The following TBC1D32 variants were observed in gnomAD, a reference collection of about 807,000 sequenced individuals.
TBC1D32 encodes the protein protein broad-minded.
A neutral mutation model predicts 170.3 loss-of-function variants in TBC1D32; 151 were observed. That is an observed-to-expected ratio of 0.89 (90% CI 0.78 to 1.01). The LOEUF (loss-of-function observed/expected upper bound fraction) is 1.01. Ranked by LOEUF, TBC1D32 falls within the 50% of genes least tolerant of loss-of-function variation. The pLI, the probability that TBC1D32 is intolerant of heterozygous loss-of-function variation, is 0.00. For synonymous variants in TBC1D32, 498 were observed against 488.0 expected (o/e 1.02, Z -0.27); for missense variants, 1,464 against 1,457.1 (o/e 1.00, Z -0.08).
intron 20 of TBC1D32, among the ~76,000 whole-genome samples, chr6:121,229,078 T>C (rs1173237105): frequency 6.6e-6 from 1 of 152,100 alleles, no homozygotes; most frequent in Non-Finnish European, 1.5e-5. Flanking sequence ...TCTTTGTACA[T>C]ATTTTTTCCA....
intron 17 of TBC1D32, among the ~76,000 whole-genome samples, chr6:121,246,148 G>A (rs1797568916): frequency 6.6e-6 from 1 of 152,162 alleles, no homozygotes; most frequent in African/African-American, 2.4e-5. Context: ...GTACAACACA[G>A]GAGAATGAGA....
chr6:121,128,852 TC>T (rs1781130477), intron 25 of TBC1D32, among the ~76,000 whole-genome samples: 1 of 152,140 alleles, frequency 6.6e-6, no homozygotes, highest in South Asian at 2.1e-4. Context: ...TACGTTAAAA[TC>T]CAATACATAT....
rs11153996 is a variant in TBC1D32, at chr6:121,140,558, T to A, written c.2774-8806A>T. On this transcript the variant is annotated intron_variant, in intron 24 of 31. Transcript: ENST00000398212. ...ATATAGTATTTGAAAAAGAATATTTTACCAGGCAGAAAATCAATTTCCTAT... is the reference window on the plus strand; with the variant it reads ...ATATAGTATTTGAAAAAGAATATTTAACCAGGCAGAAAATCAATTTCCTAT... Among the ~76,000 whole-genome samples the A allele has an allele frequency of 2.6e-3, 391 of 152,214 alleles. 2 individuals carry two copies. Among genetic ancestry groups the A allele is most frequent in the Non-Finnish European group, 4.4e-3 (300 of 67,918 alleles).
intron 1 of TBC1D32, among the ~76,000 whole-genome samples, chr6:121,329,924 A>T (rs912280258): frequency 6.6e-6 from 1 of 152,162 alleles, no homozygotes; most frequent in Admixed American, 6.5e-5. Context: ...AGGTCAAAAA[A>T]TAAGCTTTTG....
chr6:121,307,964 C>T lies in TBC1D32; in HGVS notation c.690+12G>A, dbSNP rs1359726802. The T allele has an allele frequency of 6.2e-7, 1 of 1,606,296 alleles. No homozygotes were observed. Among genetic ancestry groups the T allele is most frequent in the Admixed American group, 1.7e-5 (1 of 58,088 alleles). On this transcript the variant is annotated intron_variant, in intron 5 of 31. Transcript: ENST00000398212. ...CAAATTATTTTTAATATTTCTATAA[C>T]CATTTTCTTACACTAAACACAGGAT... is the stretch of plus-strand genomic sequence containing the variant.
intron 21 of TBC1D32, among the ~76,000 whole-genome samples, chr6:121,205,834 T>C (rs1245225331): frequency 1.3e-5 from 2 of 152,150 alleles, no homozygotes; most frequent in Non-Finnish European, 2.9e-5. Flanking sequence ...GATGCAAATA[T>C]ACACAGAACC....
At chr6:121,211,020 A>G (rs1792972813) in intron 21 of TBC1D32, among the ~76,000 whole-genome samples, 1 of 152,218 alleles carries the variant, frequency 6.6e-6, no homozygotes, top group South Asian at 2.1e-4. Flanking sequence ...CAAGTACAAT[A>G]TAAGCCAAGG....
intron 26 of TBC1D32, among the ~76,000 whole-genome samples, chr6:121,117,424 A>C (rs192447210): frequency 6.6e-6 from 1 of 152,270 alleles, no homozygotes; most frequent in East Asian, 1.9e-4. Context: ...GCTTCAAGTC[A>C]GGCTTGGTGG....
At chr6:121,204,558 T>C (rs927079099) in intron 22 of TBC1D32, among the ~76,000 whole-genome samples, 6 of 151,348 alleles carry the variant, frequency 4.0e-5, no homozygotes, top group Admixed American at 1.3e-4. Flanking sequence ...CATGAGTCCC[T>C]GTAGCCCTAC....
chr6:121,206,841 T>C (rs1361012207), intron 21 of TBC1D32, among the ~76,000 whole-genome samples: 1 of 152,336 alleles, frequency 6.6e-6, no homozygotes, highest in Admixed American at 6.5e-5. Flanking sequence ...GAATGTGAGC[T>C]AAACAACTCA....
At chr6:121,214,911 A>G (rs974030835) in intron 21 of TBC1D32, among the ~76,000 whole-genome samples, 25 of 152,194 alleles carry the variant, frequency 1.6e-4, no homozygotes, top group African/African-American at 6.0e-4. Flanking sequence ...GCAACAATAC[A>G]GCTCTCAGGA....
rs145191706 is a variant in TBC1D32 at position 121,257,311 on chromosome 6, C to G, written c.1734-1026G>C. Among the ~76,000 whole-genome samples the G allele has an allele frequency of 3.9e-5, 6 of 152,134 alleles. No homozygotes were observed. In the East Asian group the frequency reaches 1.2e-3, roughly 30 times the overall value. On this transcript the variant is annotated intron_variant, in intron 15 of 31. Coordinates refer to ENST00000398212, the MANE Select transcript of TBC1D32 (RefSeq NM_152730.6). ...TGTCTACCTCCTACTGCATGAAGCA[C>G]TATCTGGATGTCCCAATTTTAGTGG...
chr6:121,126,232 C>G, intron 26 of TBC1D32, 146 bp downstream of exon 26: 1 of 521,776 alleles, frequency 1.9e-6, no homozygotes, highest in Non-Finnish European at 3.3e-6. Flanking sequence ...AGAAAAGAGG[C>G]TTAATGATAT....
chr6:121,228,323 C>T (rs1795315075), intron 20 of TBC1D32, among the ~76,000 whole-genome samples: 1 of 151,920 alleles, frequency 6.6e-6, no homozygotes, highest in Non-Finnish European at 1.5e-5. Context: ...CTGTAATTTG[C>T]TCTTCTTTTT....
At chr6:121,176,676 G>A (rs192201677) in intron 22 of TBC1D32, among the ~76,000 whole-genome samples, 2 of 151,856 alleles carry the variant, frequency 1.3e-5, no homozygotes, top group East Asian at 1.9e-4. Context: ...TTGGCTCACT[G>A]CAACCTCCAC....
intron 15 of TBC1D32, among the ~76,000 whole-genome samples, chr6:121,264,762 T>C (rs1800234033): frequency 6.6e-6 from 1 of 152,114 alleles, no homozygotes; most frequent in Non-Finnish European, 1.5e-5. Flanking sequence ...TGGTTCAACA[T>C]ACACAAATCA....
intron 20 of TBC1D32, among the ~76,000 whole-genome samples, chr6:121,236,804 C>T (rs1796383641): frequency 2.0e-5 from 3 of 151,996 alleles, no homozygotes; most frequent in Admixed American, 1.3e-4. Flanking sequence ...GATTGATTTA[C>T]CATTATACAA....
intron 14 of TBC1D32, among the ~76,000 whole-genome samples, chr6:121,280,835 C>T: frequency 6.6e-6 from 1 of 151,642 alleles, no homozygotes; most frequent in South Asian, 2.1e-4. Context: ...AAGATGAAAA[C>T]AGTAAAAACA....
intron 15 of TBC1D32, among the ~76,000 whole-genome samples, chr6:121,274,301 C>G (rs772294744): frequency 4.0e-5 from 6 of 151,646 alleles, no homozygotes; most frequent in Non-Finnish European, 8.8e-5. Context: ...CGACTGCACT[C>G]CAGCCTGGGC....
Sources: gnomAD v4.1 joint callset for allele counts (sites outside exome capture counted in the v4.1 genomes callset) on GRCh38, gnomAD v4.1.1 for gene constraint, MANE v1.5 for transcripts, NCBI Gene and HGNC (gene_info 2026-07-23, HGNC 2026-07-21) for gene names.